SPAG1: variants seen among roughly 807,000 people sequenced by gnomAD.
SPAG1 encodes the protein sperm associated antigen 1, also known as sperm-associated antigen 1.
SPAG1 carries 69 observed loss-of-function variants against 100.5 expected under a neutral mutation model. The ratio of observed to expected loss-of-function variants is 0.69; its 90% CI spans 0.57 to 0.84. SPAG1 has a LOEUF of 0.84. Ranked by LOEUF, SPAG1 falls within the 40% of genes least tolerant of loss-of-function variation. The probability of loss-of-function intolerance (pLI) is 0.00; values close to 1 mark genes in which losing one functional copy is unlikely to be tolerated. For synonymous variants in SPAG1, 336 were observed against 411.6 expected (o/e 0.82, Z 2.22); for missense variants, 955 against 1,133.1 (o/e 0.84, Z 2.26).
At chr8:100,195,187 A>G (rs1270885175) in intron 10 of SPAG1, among the ~76,000 whole-genome samples, 3 of 151,946 alleles carry the variant, frequency 2.0e-5, no homozygotes, top group African/African-American at 4.8e-5. Flanking sequence ...AGAAAAAGAA[A>G]AAAAGGTTTT....
chr8:100,190,421 G>A (rs938635005), intron 8 of SPAG1, among the ~76,000 whole-genome samples: 1 of 151,814 alleles, frequency 6.6e-6, no homozygotes, highest in Non-Finnish European at 1.5e-5. Context: ...TTAATGATGA[G>A]TCTAGAGAGG....
chr8:100,184,770 T>TA (rs1816517075), intron 7 of SPAG1, 37 bp downstream of exon 7: 1 of 1,144,630 alleles, frequency 8.7e-7, no homozygotes, highest in African/African-American at 1.6e-5. Flanking sequence ...ACTTGCCTTT[T>TA]AAAAAATGAT....
rs892552125 is a variant in SPAG1 at position 100,213,379 on chromosome 8, C to T, written c.1386C>T (p.Ala462=). Residue 462 remains alanine, a synonymous_variant, in exon 11 of 19, where the codon GCC becomes GCT. Transcript: ENST00000388798. The part of the protein sequence containing the change: ...GNELFRSGQF[A]EAAGKYSAAI... Reference sequence around the variant, plus strand: ...AGCTGTTCCGAAGCGGGCAGTTCGCCGAGGCGGCCGGCAAGTACTCGGCGG... The same window carrying T: ...AGCTGTTCCGAAGCGGGCAGTTCGCTGAGGCGGCCGGCAAGTACTCGGCGG... 2.1e-6 allele frequency: 3 copies of T among 1,451,738 alleles called. No individual in the cohort carries two copies. The highest frequency in any genetic ancestry group is 2.6e-5 in the Admixed American group (1 of 39,086). The allele number at this position is 1,451,738 out of a possible 1,614,324, so 89.9% of individuals were successfully genotyped here. A position where few individuals can be genotyped will look rare whatever the true frequency, so the allele number is the denominator to read the frequency against.
chr8:100,166,971 T>G (rs994794515), intron 3 of SPAG1, among the ~76,000 whole-genome samples: 2 of 152,128 alleles, frequency 1.3e-5, no homozygotes, highest in Admixed American at 6.5e-5. Flanking sequence ...TTGAATATTT[T>G]TAAGCCTTTT....
At position 100,181,313 on chromosome 8, in the gene SPAG1, C is replaced by T. The variant is rs533095587; in HGVS notation, c.427-2062C>T. 8.3e-4 allele frequency among the ~76,000 whole-genome samples: 127 copies of T among 152,224 alleles called. 1 individual carries two copies. Among genetic ancestry groups the T allele is most frequent in the African/African-American group, 2.8e-3 (116 of 41,516 alleles). ...TGATATATCTACACATTTTGAAATGCTTACCACAGTCAAGCCAATTCATGT... is the reference window on the plus strand; with the variant it reads ...TGATATATCTACACATTTTGAAATGTTTACCACAGTCAAGCCAATTCATGT... On this transcript the variant is annotated intron_variant, in intron 4 of 18. Transcript: ENST00000388798.
chr8:100,202,339 G>GT (rs1817309846), intron 10 of SPAG1, among the ~76,000 whole-genome samples: 1 of 140,000 alleles, frequency 7.1e-6, no homozygotes, highest in Admixed American at 7.1e-5. Context: ...ATCACCATTT[G>GT]TTTAAAAAAA....
At chr8:100,200,567 TG>T (rs1313291568) in intron 10 of SPAG1, among the ~76,000 whole-genome samples, 1 of 152,250 alleles carries the variant, frequency 6.6e-6, no homozygotes, top group African/African-American at 2.4e-5. Context: ...CCACCAACAG[TG>T]TAAAAGCGTT....
In SPAG1 at chr8:100,184,710, A is replaced by G. The variant is rs1440953204; in HGVS notation, c.678A>G (p.Glu226=). 6.3e-7 allele frequency: 1 copy of G among 1,587,112 alleles called. No homozygotes were observed. The highest frequency in any genetic ancestry group is 2.3e-5 in the East Asian group (1 of 43,392). Residue 226 remains glutamate, a synonymous_variant, in exon 7 of 19, where the codon GAA becomes GAG. Coordinates refer to ENST00000388798, the MANE Select transcript of SPAG1 (RefSeq NM_003114.5). ...AAGCTTTCAACTCAGGAGATTATGA[A>G]GAAGCAGTGATGTATTATACCAGGT... ...GNEAFNSGDY[E]EAVMYYTRSI... is the part of the protein sequence containing the mutation.
rs1407101839 is a variant in SPAG1, at chr8:100,225,333, A to G, written c.1849A>G (p.Ile617Val). ...GDSSSHRQQG[I>V]TDEKTFKALK... ...CTCCAGCAGCCATCGCCAGCAGGGC[A>G]TCACAGGTGGGGGATGCCTGCACTC... Residue 617 changes from isoleucine (I) to valine (V), a missense_variant, in exon 14 of 19, where the codon ATC (isoleucine) becomes GTC (valine). Coordinates refer to ENST00000388798, the MANE Select transcript of SPAG1 (RefSeq NM_003114.5). The G allele has an allele frequency of 6.2e-7, 1 of 1,613,454 alleles. No individual in the cohort carries two copies. The highest frequency in any genetic ancestry group is 1.1e-5 in the South Asian group (1 of 91,046).
intron 10 of SPAG1, among the ~76,000 whole-genome samples, chr8:100,211,559 G>A (rs1031852385): frequency 2.0e-5 from 3 of 152,192 alleles, no homozygotes; most frequent in African/African-American, 7.2e-5. Flanking sequence ...TGCTCTGGAA[G>A]CTAAGGGGAG....
chr8:100,204,822 A>C (rs1022742610), intron 10 of SPAG1, among the ~76,000 whole-genome samples: 1 of 152,218 alleles, frequency 6.6e-6, no homozygotes, highest in African/African-American at 2.4e-5. Flanking sequence ...AACAGTGGCA[A>C]CTGCAGTCAC....
chr8:100,163,456 G>A (rs1815408883), intron 2 of SPAG1, among the ~76,000 whole-genome samples: 1 of 147,006 alleles, frequency 6.8e-6, no homozygotes, highest in Admixed American at 6.8e-5. Context: ...CCAGACTGAT[G>A]TCAAACTCCT....
In SPAG1 at chr8:100,167,916, T is replaced by C. The variant is rs527616036; in HGVS notation, c.300+1943T>C. Among the ~76,000 whole-genome samples the C allele has an allele frequency of 2.6e-5, 4 of 152,368 alleles. No individual in the cohort carries two copies. The South Asian group carries it at 6.2e-4, about 24-fold the overall frequency. On this transcript the variant is annotated intron_variant, in intron 3 of 18. Coordinates refer to ENST00000388798, the MANE Select transcript of SPAG1 (RefSeq NM_003114.5). ...CATATAAATGTAATCATACAGTATGTTGTCATTCCTGTGTGTCTTCTTTCA... is the reference window on the plus strand; with the variant it reads ...CATATAAATGTAATCATACAGTATGCTGTCATTCCTGTGTGTCTTCTTTCA...
chr8:100,170,619 CAATTTTT>C (rs149398569), intron 3 of SPAG1, among the ~76,000 whole-genome samples: 140 of 152,102 alleles, frequency 9.2e-4, no homozygotes, highest in South Asian at 7.7e-3. Flanking sequence ...ATTTTAATTT[CAATTTTT>C]AATTATACAA....
At chr8:100,186,109 A>T (rs1434970021) in intron 7 of SPAG1, among the ~76,000 whole-genome samples, 1 of 122,886 alleles carries the variant, frequency 8.1e-6, no homozygotes, top group African/African-American at 3.3e-5. Context: ...TCTGTTATCC[A>T]GGCAAGAGTG....
intron 3 of SPAG1, among the ~76,000 whole-genome samples, chr8:100,171,058 G>A (rs980803724): frequency 6.6e-6 from 1 of 151,892 alleles, no homozygotes; most frequent in East Asian, 1.9e-4. Flanking sequence ...ATCATGAATG[G>A]GTTTTGAATT....
chr8:100,160,131 T>C (rs1815241859), intron 1 of SPAG1, among the ~76,000 whole-genome samples: 1 of 152,216 alleles, frequency 6.6e-6, no homozygotes, highest in East Asian at 1.9e-4. Flanking sequence ...TTATTATCAT[T>C]AGCATTAGCA....
intron 6 of SPAG1, 117 bp from the exon 7 acceptor site, chr8:100,184,511 T>C: frequency 1.9e-6 from 1 of 525,434 alleles, no homozygotes; most frequent in Non-Finnish European, 3.2e-6. Context: ...TTCTTTTGTT[T>C]ATTTTATGAT....
At chr8:100,228,025 A>G (rs1818595084) in intron 14 of SPAG1, among the ~76,000 whole-genome samples, 1 of 151,434 alleles carries the variant, frequency 6.6e-6, no homozygotes, top group Non-Finnish European at 1.5e-5. Context: ...TGTATTTTTT[A>G]TAGAGACAGG....
Sources: gnomAD v4.1 joint callset for allele counts (sites outside exome capture counted in the v4.1 genomes callset) on GRCh38, gnomAD v4.1.1 for gene constraint, MANE v1.5 for transcripts, NCBI Gene and HGNC (gene_info 2026-07-23, HGNC 2026-07-21) for gene names.